The following ABLIM2 variants were observed in gnomAD, a reference collection of about 807,000 sequenced individuals.
ABLIM2 encodes actin binding LIM protein family member 2.
A neutral mutation model predicts 97.7 loss-of-function variants in ABLIM2; 53 were observed. The ratio of observed to expected loss-of-function variants is 0.54; its 90% confidence interval spans 0.44 to 0.68. The LOEUF (loss-of-function observed/expected upper bound fraction) is 0.68. Ranked by LOEUF, ABLIM2 falls within the 30% of genes least tolerant of loss-of-function variation. The probability of loss-of-function intolerance (pLI) is 0.00; values close to 1 mark genes in which losing one functional copy is unlikely to be tolerated. For missense variants in ABLIM2, 835 were observed against 867.2 expected (o/e 0.96, Z 0.47); for synonymous variants, 361 against 345.8 (o/e 1.04, Z -0.49).
At chr4:8,045,844 G>A (rs567463951) in intron 8 of ABLIM2, among the ~76,000 whole-genome samples, 16 of 152,196 alleles carry the variant, frequency 1.1e-4, no homozygotes, top group African/African-American at 2.2e-4. Context: ...ATTTTCCACC[G>A]GGATTATGGG....
chr4:8,096,998 G>A (rs896076257), intron 3 of ABLIM2, 101 bp downstream of exon 3: 30 of 1,371,518 alleles, frequency 2.2e-5, no homozygotes, highest in Middle Eastern at 1.9e-4. Flanking sequence ...TGCAGAGGGC[G>A]GGTCACGGGA....
chr4:8,007,862 G>A, intron 16 of ABLIM2, 197 bp downstream of exon 16: 2 of 1,387,878 alleles, frequency 1.4e-6, no homozygotes, highest in Non-Finnish European at 9.3e-7. Context: ...CACTGGCTCG[G>A]GGACAGTTCT....
rs561018737 is a variant in ABLIM2 at position 7,999,665 on chromosome 4, T to C, written c.1619-6738A>G. 6.6e-6 allele frequency among the ~76,000 whole-genome samples: 1 copy of C among 152,118 alleles called. No homozygotes were observed. Among genetic ancestry groups the C allele is most frequent in the South Asian group, 2.1e-4 (1 of 4,806 alleles). ...CCTTCAAGAGGCGGGGTGTGTGTAG[T>C]ACAGAGAGAGACCCACAGGGAGAAG... On this transcript the variant is annotated intron_variant, in intron 16 of 20. Coordinates refer to ENST00000447017, the MANE Select transcript of ABLIM2 (RefSeq NM_001130083.2). The surrounding 1 kb of genome is among the most constrained non-coding windows in gnomAD (Gnocchi z 4.4).
chr4:8,106,131 T>G (rs538177025), intron 2 of ABLIM2, among the ~76,000 whole-genome samples: 17 of 152,340 alleles, frequency 1.1e-4, no homozygotes, highest in Middle Eastern at 3.4e-3. Context: ...TGTCCCCCAC[T>G]ACTGAGTTCA....
Position 8,019,732 on chromosome 4 carries a change from T to G in ABLIM2, c.1370-61A>C. 2 of 1,493,370 alleles carry G rather than the reference T, an allele frequency of 1.3e-6. No individual in the cohort carries two copies. Among genetic ancestry groups the G allele is most frequent in the Non-Finnish European group, 1.9e-6 (2 of 1,076,332 alleles). The allele number at this position is 1,493,370 out of a possible 1,614,324, so 92.5% of individuals were successfully genotyped here. On this transcript the variant is annotated intron_variant, in intron 13 of 20. Coordinates refer to ENST00000447017, the MANE Select transcript of ABLIM2 (RefSeq NM_001130083.2). This position sits in a 1 kb window ranked among gnomAD's most constrained non-coding sequence, Gnocchi z 4.3. The stretch of plus-strand genomic sequence containing the variant: ...GAGGGTAAGCAGCAAGTTGTGATGG[T>G]TTCTGTTCTACAGCTTTTTGTAAGC...
chr4:8,077,459 C>A (rs957468305), intron 6 of ABLIM2, among the ~76,000 whole-genome samples, 169 bp downstream of exon 6: 2 of 152,204 alleles, frequency 1.3e-5, no homozygotes, highest in African/African-American at 4.8e-5. Context: ...ACTGGGCAGG[C>A]CCTGGACAGC....
At chr4:8,143,211 C>A in intron 1 of ABLIM2, among the ~76,000 whole-genome samples, 1 of 148,650 alleles carries the variant, frequency 6.7e-6, no homozygotes, top group African/African-American at 2.5e-5. Flanking sequence ...CCAGCTCTAT[C>A]ACAGCGTCCC....
chr4:8,000,152 G>A (rs1351877185), intron 16 of ABLIM2, among the ~76,000 whole-genome samples: 1 of 152,098 alleles, frequency 6.6e-6, no homozygotes, highest in Non-Finnish European at 1.5e-5. Flanking sequence ...CTGAGGAAGG[G>A]GGGCACCCTT....
chr4:8,092,006 T>G (rs974114335), intron 3 of ABLIM2, among the ~76,000 whole-genome samples: 1 of 139,560 alleles, frequency 7.2e-6, no homozygotes, highest in South Asian at 2.1e-4. Flanking sequence ...ATAATATATA[T>G]ATATTTTTTG....
chr4:8,069,891 T>A lies in ABLIM2; in HGVS notation c.675+7737A>T, dbSNP rs1303629407. On this transcript the variant is annotated intron_variant, in intron 6 of 20. Transcript: ENST00000447017. The surrounding 1 kb of genome is among the most constrained non-coding windows in gnomAD (Gnocchi z 4.2). ...CGTTGTCGATGTCTGTGTCCCTGTG[T>A]TTATGTTGGTTGTGTGTGTCATGTG... Among the ~76,000 whole-genome samples the A allele has an allele frequency of 6.6e-6, 1 of 152,032 alleles. No individual in the cohort carries two copies. Among genetic ancestry groups the A allele is most frequent in the Non-Finnish European group, 1.5e-5 (1 of 68,016 alleles).
At chr4:7,968,879 G>A (rs576780046) in intron 20 of ABLIM2, among the ~76,000 whole-genome samples, 3 of 152,242 alleles carry the variant, frequency 2.0e-5, no homozygotes, top group East Asian at 1.9e-4. Flanking sequence ...GGCAGCTCAC[G>A]CCTGTAATCC....
intron 9 of ABLIM2, chr4:8,041,578 C>T (rs549465822): frequency 2.0e-5 from 3 of 151,510 alleles, no homozygotes; most frequent in African/African-American, 4.9e-5. Context: ...CCATCCCACG[C>T]TCCTTGCAAA....
intron 4 of ABLIM2, among the ~76,000 whole-genome samples, chr4:8,084,354 G>A (rs949437970): frequency 6.6e-6 from 1 of 152,142 alleles, no homozygotes; most frequent in Non-Finnish European, 1.5e-5. Context: ...TAGGCAGCCC[G>A]GGAGCAGTGG....
At chr4:7,979,916 G>T (rs900328372) in intron 20 of ABLIM2, among the ~76,000 whole-genome samples, 28 of 152,188 alleles carry the variant, frequency 1.8e-4, no homozygotes, top group Admixed American at 1.8e-3. Flanking sequence ...AAAGATGTGG[G>T]TCTCTTCCCC....
At position 8,001,062 on chromosome 4, in the gene ABLIM2, G is replaced by C. The variant is rs1232052187; in HGVS notation, c.1618+6997C>G. Among the ~76,000 whole-genome samples the C allele has an allele frequency of 6.6e-6, 1 of 152,348 alleles. No homozygotes were observed. Among genetic ancestry groups the C allele is most frequent in the East Asian group, 1.9e-4 (1 of 5,176 alleles). ...CCTGGGTGCACGGGCAGGAGGTTTG[G>C]AGGCTGTGGCACTGCACAGGTTCGG... On this transcript the variant is annotated intron_variant, in intron 16 of 20. Coordinates refer to ENST00000447017, the MANE Select transcript of ABLIM2 (RefSeq NM_001130083.2). The surrounding 1 kb of genome is among the most constrained non-coding windows in gnomAD (Gnocchi z 4.2).
intron 1 of ABLIM2, among the ~76,000 whole-genome samples, chr4:8,119,360 C>T (rs569561894): frequency 3.9e-4 from 56 of 141,842 alleles, no homozygotes; most frequent in African/African-American, 1.3e-3. Flanking sequence ...CAGAGTCTCG[C>T]TCTGTTGCCC....
In ABLIM2 at chr4:8,091,833, TA is replaced by T. The variant is rs1387988415; in HGVS notation, c.339-3550del. On this transcript the variant is annotated intron_variant, in intron 3 of 20. Transcript: ENST00000447017. ...TATATTATATAATATATTATATAAA[TA>T]ATATAATATATTATTTATACAATAT... 3.9e-4 allele frequency among the ~76,000 whole-genome samples: 23 copies of T among 59,588 alleles called. No individual in the cohort carries two copies. In the East Asian group the frequency reaches 8.8e-3, roughly 23 times the overall value. The allele number at this position is 59,588 out of a possible 152,430, so 39.1% of individuals were successfully genotyped here.
At chr4:8,143,814 T>A (rs1851383602) in intron 1 of ABLIM2, among the ~76,000 whole-genome samples, 1 of 152,194 alleles carries the variant, frequency 6.6e-6, no homozygotes, top group Non-Finnish European at 1.5e-5. Context: ...AGCCTGTGGA[T>A]GCTGCTTGGC....
At chr4:8,089,157 G>A (rs892238746) in intron 3 of ABLIM2, among the ~76,000 whole-genome samples, 2 of 152,222 alleles carry the variant, frequency 1.3e-5, no homozygotes, top group Non-Finnish European at 2.9e-5. Flanking sequence ...GTGAGGCCAG[G>A]TGAGGGACCG....
Sources: gnomAD v4.1 joint callset for allele counts (sites outside exome capture counted in the v4.1 genomes callset) on GRCh38, gnomAD v4.1.1 for gene constraint, Gnocchi (gnomAD v3.1) non-coding constraint, MANE v1.5 for transcripts, NCBI Gene and HGNC (gene_info 2026-07-23, HGNC 2026-07-21) for gene names.